Variants in SYN3 observed in about 807,000 individuals in gnomAD.
The protein encoded by SYN3 is synapsin III, also known as synapsin-3.
Under a neutral mutation model 65.8 loss-of-function variants are expected in SYN3, and 35 were observed. The observed-to-expected ratio is 0.53, with a 90% CI of 0.41 to 0.70. The LOEUF (loss-of-function observed/expected upper bound fraction) is 0.70. SYN3 is among the 30% of genes least tolerant of loss of function. The probability of loss-of-function intolerance (pLI) is 0.00; values close to 1 mark genes in which losing one functional copy is unlikely to be tolerated. For synonymous variants in SYN3, 270 were observed against 292.9 expected (o/e 0.92, Z 0.80); for missense variants, 680 against 749.0 (o/e 0.91, Z 1.08).
At chr22:32,843,053 G>C (rs2047958435) in intron 6 of SYN3, among the ~76,000 whole-genome samples, 1 of 152,156 alleles carries the variant, frequency 6.6e-6, no homozygotes. Flanking sequence ...AAGGTTTTTA[G>C]GTGGTCTGCT....
intron 3 of SYN3, among the ~76,000 whole-genome samples, chr22:32,962,818 ATCT>A (rs1161791649): frequency 8.1e-6 from 1 of 123,782 alleles, no homozygotes; most frequent in African/African-American, 5.9e-5. Context: ...CTATCTATCT[ATCT>A]ATCTATCTAT....
chr22:32,684,180 T>G (rs2060560426), intron 6 of SYN3, among the ~76,000 whole-genome samples: 1 of 152,196 alleles, frequency 6.6e-6, no homozygotes, highest in Non-Finnish European at 1.5e-5. Context: ...ACGATCACAG[T>G]TCTTCTGTGA....
intron 12 of SYN3, chr22:32,518,562 C>T (rs995002340): frequency 2.2e-5 from 15 of 682,132 alleles, no homozygotes; most frequent in African/African-American, 2.1e-4. Context: ...CTGAGTAATA[C>T]TAAATGACAC....
intron 6 of SYN3, among the ~76,000 whole-genome samples, chr22:32,734,718 T>C (rs2061315791): frequency 1.3e-5 from 2 of 152,282 alleles, no homozygotes; most frequent in Admixed American, 1.3e-4. Context: ...CCTGGGTTTA[T>C]TTGTGCCTCT....
rs561853499 is a variant in SYN3 at position 32,705,272 on chromosome 22, T to C, written c.712-108536A>G. On this transcript the variant is annotated intron_variant, in intron 6 of 13. Transcript: ENST00000358763. ...GGGTCCAGTTTCAATCTTCTACATA[T>C]GGTTAGCCAGTTATCCCAGCACCAT... is the stretch of plus-strand genomic sequence containing the variant. 1.4e-3 allele frequency among the ~76,000 whole-genome samples: 215 copies of C among 152,354 alleles called. 1 individual carries two copies. Among genetic ancestry groups the C allele is most frequent in the African/African-American group, 5.0e-3 (210 of 41,586 alleles).
intron 6 of SYN3, among the ~76,000 whole-genome samples, chr22:32,824,075 G>A (rs549487931): frequency 7.2e-5 from 11 of 152,114 alleles, no homozygotes; most frequent in African/African-American, 1.9e-4. Flanking sequence ...TCAGGAGATC[G>A]AGACCATCCT....
At chr22:32,609,411 A>G (rs2059411949) in intron 6 of SYN3, among the ~76,000 whole-genome samples, 1 of 151,696 alleles carries the variant, frequency 6.6e-6, no homozygotes, top group Non-Finnish European at 1.5e-5. Flanking sequence ...ATAAATAATG[A>G]TTCTATGTAT....
intron 7 of SYN3, among the ~76,000 whole-genome samples, chr22:32,556,459 C>T (rs533175419): frequency 9.7e-4 from 148 of 152,276 alleles, no homozygotes; most frequent in African/African-American, 3.2e-3. Flanking sequence ...AATCTAGAAA[C>T]GAAACTACTT....
At chr22:32,521,220 A>C (rs911203146) in intron 12 of SYN3, among the ~76,000 whole-genome samples, 1 of 152,196 alleles carries the variant, frequency 6.6e-6, no homozygotes, top group Non-Finnish European at 1.5e-5. Context: ...GAAGAGGTGC[A>C]AGCATAAAGA....
rs1487336837 is a variant in SYN3, at chr22:32,508,100, T to C, written c.*5592A>G. On this transcript the variant is annotated 3_prime_UTR_variant, in exon 14 of 14. Transcript: ENST00000358763. Reference sequence around the variant, plus strand: ...AGGCCTCTGAGCCCAAGCCAAGCCATCGCATCCCCTGTGACTTGCGCGTAT... The same window carrying C: ...AGGCCTCTGAGCCCAAGCCAAGCCACCGCATCCCCTGTGACTTGCGCGTAT... Among the ~76,000 whole-genome samples the C allele has an allele frequency of 1.3e-5, 2 of 152,160 alleles. No individual in the cohort carries two copies. Among genetic ancestry groups the C allele is most frequent in the African/African-American group, 2.4e-5 (1 of 41,440 alleles).
intron 4 of SYN3, among the ~76,000 whole-genome samples, chr22:32,914,545 C>T (rs1263672889): frequency 1.3e-5 from 2 of 150,810 alleles, no homozygotes; most frequent in Non-Finnish European, 2.9e-5. Flanking sequence ...TCGTGCCATT[C>T]TCCTGCCTCA....
intron 1 of SYN3, among the ~76,000 whole-genome samples, chr22:33,027,746 A>G (rs1228701114): frequency 6.6e-6 from 1 of 152,240 alleles, no homozygotes; most frequent in Non-Finnish European, 1.5e-5. Flanking sequence ...TTCCTCATCC[A>G]AGATCAAATA....
At chr22:32,790,158 C>A (rs537341328) in intron 6 of SYN3, among the ~76,000 whole-genome samples, 11 of 152,192 alleles carry the variant, frequency 7.2e-5, no homozygotes, top group African/African-American at 2.4e-4. Flanking sequence ...AAAGAGCCCT[C>A]ATTTGCAGTG....
At chr22:32,895,946 G>T (rs1227496805) in intron 4 of SYN3, among the ~76,000 whole-genome samples, 1 of 152,164 alleles carries the variant, frequency 6.6e-6, no homozygotes, top group African/African-American at 2.4e-5. Context: ...TAATAGGGTT[G>T]TTGGGAAGAT....
chr22:32,715,014 A>G (rs1017478897), intron 6 of SYN3, among the ~76,000 whole-genome samples: 3 of 152,198 alleles, frequency 2.0e-5, no homozygotes, highest in Non-Finnish European at 2.9e-5. Flanking sequence ...CCTTCCCCCA[A>G]GATGCTTCCC....
At position 32,528,892 on chromosome 22, in the gene SYN3, G is replaced by T; in HGVS notation, c.1212C>A (p.Pro404=). 6.2e-7 allele frequency: 1 copy of T among 1,614,172 alleles called. No homozygotes were observed. The highest frequency in any genetic ancestry group is 8.5e-7 in the Non-Finnish European group (1 of 1,180,042). ...GTCTTACCCAAGGTCTGAGGGGGGA[G>T]GGCGCTGTGCCTCCTGGCATCGGGA... is the stretch of plus-strand genomic sequence containing the variant. ...SQLPMPGGTA[P]SPLRPWAPQI... The change falls in exon 11 of 14, where the codon CCC becomes CCA. Residue 404 remains proline, a synonymous_variant. Transcript: ENST00000358763.
intron 6 of SYN3, among the ~76,000 whole-genome samples, chr22:32,641,600 T>TC (rs1439813933): frequency 2.4e-5 from 2 of 81,646 alleles, no homozygotes; most frequent in Non-Finnish European, 4.3e-5. Context: ...AGAGCAAGAC[T>TC]CCATCTCAAA....
At chr22:32,585,549 C>T (rs1410993830) in intron 7 of SYN3, among the ~76,000 whole-genome samples, 4 of 152,282 alleles carry the variant, frequency 2.6e-5, no homozygotes, top group African/African-American at 9.6e-5. Flanking sequence ...GAGTGTGAGG[C>T]TAGCAGGATG....
intron 4 of SYN3, among the ~76,000 whole-genome samples, chr22:32,907,785 C>T (rs763383715): frequency 6.6e-6 from 1 of 152,202 alleles, no homozygotes; most frequent in Non-Finnish European, 1.5e-5. Context: ...TCTTACCATA[C>T]ATGGCCCCAA....
Sources: gnomAD v4.1 joint callset for allele counts (sites outside exome capture counted in the v4.1 genomes callset) on GRCh38, gnomAD v4.1.1 for gene constraint, MANE v1.5 for transcripts, NCBI Gene and HGNC (gene_info 2026-07-23, HGNC 2026-07-21) for gene names.